The following TMEFF1 variants were observed in gnomAD, a reference collection of about 807,000 sequenced individuals.
TMEFF1 encodes the protein tomoregulin-1.
Under a neutral mutation model 47.5 loss-of-function variants are expected in TMEFF1, and 20 were observed. The observed-to-expected ratio is 0.42, with a 90% CI of 0.30 to 0.61. The LOEUF is 0.61. Among genes scored for constraint, TMEFF1 ranks in the 20% least tolerant of loss-of-function variants. The pLI, the probability that TMEFF1 is intolerant of heterozygous loss-of-function variation, is 0.19. For missense variants in TMEFF1, 411 were observed against 471.1 expected, an observed-to-expected ratio of 0.87 and a Z score of 1.18; for synonymous variants, 162 against 166.3, an observed-to-expected ratio of 0.97 and a Z score of 0.20.
chr9:100,532,110 A>G (rs1322692356), intron 5 of TMEFF1, among the ~76,000 whole-genome samples: 3 of 152,112 alleles, frequency 2.0e-5, no homozygotes, highest in Non-Finnish European at 2.9e-5. Flanking sequence ...TTAAAGACTT[A>G]AACGTTAGAC....
intron 5 of TMEFF1, among the ~76,000 whole-genome samples, chr9:100,529,882 T>C (rs1414439773): frequency 6.6e-6 from 1 of 152,154 alleles, no homozygotes; most frequent in Non-Finnish European, 1.5e-5. Flanking sequence ...ACAGAAATTA[T>C]AACAAATTAT....
At chr9:100,507,893 T>C (rs757560468) in intron 2 of TMEFF1, among the ~76,000 whole-genome samples, 11 of 152,230 alleles carry the variant, frequency 7.2e-5, no homozygotes, top group African/African-American at 1.2e-4. Flanking sequence ...TCACATTGAT[T>C]TCTAAATGTG....
At chr9:100,536,628 CT>C (rs1339376757) in intron 5 of TMEFF1, among the ~76,000 whole-genome samples, 2 of 152,202 alleles carry the variant, frequency 1.3e-5, no homozygotes, top group Non-Finnish European at 2.9e-5. Flanking sequence ...TGATTATTAA[CT>C]TTATTTCTGA....
chr9:100,506,369 C>T (rs963889468), intron 2 of TMEFF1, among the ~76,000 whole-genome samples: 1 of 151,882 alleles, frequency 6.6e-6, no homozygotes, highest in Non-Finnish European at 1.5e-5. Flanking sequence ...TCTAAATGGG[C>T]TATAAATATA....
At chr9:100,571,508 C>T (rs1716605053) in intron 8 of TMEFF1, among the ~76,000 whole-genome samples, 1 of 152,034 alleles carries the variant, frequency 6.6e-6, no homozygotes, top group African/African-American at 2.4e-5. Flanking sequence ...TGAGGTAATG[C>T]ATATGTTAAT....
Position 100,473,456 on chromosome 9 carries a change from C to G in TMEFF1, c.-89C>G, listed in dbSNP as rs1338531449. On this transcript the variant is annotated 5_prime_UTR_variant, in exon 1 of 10. Coordinates refer to ENST00000374879, the MANE Select transcript of TMEFF1 (RefSeq NM_003692.5). This position sits in a 1 kb window ranked among gnomAD's most constrained non-coding sequence, Gnocchi z 5.4. ...GCTCAGCGGCGCGGCTGCTAGGAGG[C>G]ACCGAGGCAGCGGCGGGGCTCTGGG... is the stretch of plus-strand genomic sequence containing the variant. 2 of 1,068,186 alleles carry G rather than the reference C, an allele frequency of 1.9e-6. No individual in the cohort carries two copies. Among genetic ancestry groups the G allele is most frequent in the African/African-American group, 3.3e-5 (2 of 60,266 alleles). 66.2% of individuals were successfully genotyped at this position (1,068,186 alleles called of 1,614,324 possible).
At chr9:100,508,922 CTATGGTA>C in intron 2 of TMEFF1, 76 bp from the exon 3 acceptor site, 1 of 1,338,262 alleles carries the variant, frequency 7.5e-7, no homozygotes, top group Non-Finnish European at 9.6e-7. Flanking sequence ...TGTCATAATG[CTATGGTA>C]TTGCATTCAT....
rs563995219 is a variant in TMEFF1 at position 100,549,509 on chromosome 9, T to C, written c.710-586T>C. 3.3e-5 allele frequency among the ~76,000 whole-genome samples: 5 copies of C among 152,340 alleles called. No homozygotes were observed. The East Asian group carries it at 9.6e-4, about 29-fold the overall frequency. ...TTTAGAGTGATTGGGCCTTAAGTTT[T>C]GTCTTAGTCCCCTCTGTAATTTTTC... On this transcript the variant is annotated intron_variant, in intron 6 of 9. Coordinates refer to ENST00000374879, the MANE Select transcript of TMEFF1 (RefSeq NM_003692.5).
At chr9:100,561,658 G>T in intron 8 of TMEFF1, 138 bp downstream of exon 8, 1 of 1,283,180 alleles carries the variant, frequency 7.8e-7, no homozygotes, top group Non-Finnish European at 1.0e-6. Context: ...AAACAAATCA[G>T]CAGCATCATT....
At chr9:100,500,378 TC>T (rs1837736326) in intron 2 of TMEFF1, among the ~76,000 whole-genome samples, 1 of 152,150 alleles carries the variant, frequency 6.6e-6, no homozygotes, top group African/African-American at 2.4e-5. Flanking sequence ...ATCTGGGACT[TC>T]CATGATGTGT....
At chr9:100,563,971 G>A (rs1464144033) in intron 8 of TMEFF1, among the ~76,000 whole-genome samples, 1 of 152,224 alleles carries the variant, frequency 6.6e-6, no homozygotes, top group Non-Finnish European at 1.5e-5. Flanking sequence ...TCTGCTAGTA[G>A]GTAGGTGTGT....
intron 5 of TMEFF1, among the ~76,000 whole-genome samples, chr9:100,527,696 G>C (rs559198833): frequency 1.2e-4 from 18 of 152,302 alleles, no homozygotes; most frequent in South Asian, 4.1e-4. Context: ...GCTTGCTTAC[G>C]TAAACAAAGC....
chr9:100,518,058 T>C (rs1481602300), intron 5 of TMEFF1, among the ~76,000 whole-genome samples: 1 of 152,212 alleles, frequency 6.6e-6, no homozygotes, highest in Non-Finnish European at 1.5e-5. Context: ...TATTCATCCC[T>C]ATTTTATACA....
chr9:100,521,685 C>T (rs959412445), intron 5 of TMEFF1, among the ~76,000 whole-genome samples: 4 of 152,172 alleles, frequency 2.6e-5, no homozygotes, highest in Non-Finnish European at 5.9e-5. Flanking sequence ...TTTATATACC[C>T]GACCTAAATC....
intron 8 of TMEFF1, among the ~76,000 whole-genome samples, chr9:100,563,567 C>T (rs1275840351): frequency 6.6e-6 from 1 of 152,188 alleles, no homozygotes. Context: ...GCCTCATTTT[C>T]ATCTTTCTGA....
chr9:100,484,046 G>C (rs1837399285), intron 1 of TMEFF1, among the ~76,000 whole-genome samples: 1 of 151,984 alleles, frequency 6.6e-6, no homozygotes, highest in African/African-American at 2.4e-5. Context: ...CCTTTGTATA[G>C]AGTAGATTTC....
At chr9:100,512,714 C>T (rs1318695880) in intron 3 of TMEFF1, among the ~76,000 whole-genome samples, 3 of 152,142 alleles carry the variant, frequency 2.0e-5, no homozygotes, top group Admixed American at 1.3e-4. Context: ...ATTTCACTAG[C>T]GACAAGTCAG....
rs1382808502 is a variant in TMEFF1, at chr9:100,548,311, C to T, written c.709+419C>T. Among the ~76,000 whole-genome samples, 3 of 152,206 alleles carry T rather than the reference C, an allele frequency of 2.0e-5. No individual in the cohort carries two copies. The East Asian group carries it at 5.8e-4, about 29-fold the overall frequency. Reference sequence around the variant, plus strand: ...ATAGTTTACTTTGTTTTTCCATTATCTGTATCATTTTCCCTGTACATATTA... The same window carrying T: ...ATAGTTTACTTTGTTTTTCCATTATTTGTATCATTTTCCCTGTACATATTA... On this transcript the variant is annotated intron_variant, in intron 6 of 9. Transcript: ENST00000374879.
chr9:100,545,227 A>G (rs888411987), intron 5 of TMEFF1, among the ~76,000 whole-genome samples: 3 of 152,156 alleles, frequency 2.0e-5, no homozygotes, highest in African/African-American at 7.2e-5. Flanking sequence ...GAGGTTCTCC[A>G]TGAGGGCCCC....
Sources: gnomAD v4.1 joint callset for allele counts (sites outside exome capture counted in the v4.1 genomes callset) on GRCh38, gnomAD v4.1.1 for gene constraint, Gnocchi (gnomAD v3.1) non-coding constraint, MANE v1.5 for transcripts, NCBI Gene and HGNC (gene_info 2026-07-23, HGNC 2026-07-21) for gene names.